The following ZDHHC13 variants were observed in gnomAD, a reference collection of about 807,000 sequenced individuals.
ZDHHC13 encodes zDHHC palmitoyltransferase 13.
A neutral mutation model predicts 86.0 loss-of-function variants in ZDHHC13; 85 were observed. The observed-to-expected ratio is 0.99, with a 90% CI of 0.83 to 1.18. The LOEUF (loss-of-function observed/expected upper bound fraction) is 1.18, where lower values mean the gene tolerates loss of function less well. Ranked by LOEUF, ZDHHC13 falls within the 50% of genes most tolerant of loss-of-function variation. The pLI, the probability that ZDHHC13 is intolerant of heterozygous loss-of-function variation, is 0.00. For synonymous variants in ZDHHC13, 263 were observed against 246.4 expected, an observed-to-expected ratio of 1.07 and a Z score of -0.63; for missense variants, 711 against 730.2, an observed-to-expected ratio of 0.97 and a Z score of 0.30.
chr11:19,175,689 G>C, intron 16 of ZDHHC13, 133 bp from the exon 17 acceptor site: 1 of 994,498 alleles, frequency 1.0e-6, no homozygotes, highest in Non-Finnish European at 1.5e-6. Context: ...GGAACTATCT[G>C]ATCTACCCCA....
At chr11:19,172,307 G>A (rs190415003) in intron 15 of ZDHHC13, among the ~76,000 whole-genome samples, 12 of 152,090 alleles carry the variant, frequency 7.9e-5, no homozygotes, top group African/African-American at 2.2e-4. Context: ...TCCTGACCTC[G>A]TGATCCACCC....
chr11:19,147,938 A>T (rs370378267), intron 4 of ZDHHC13, among the ~76,000 whole-genome samples: 1 of 152,164 alleles, frequency 6.6e-6, no homozygotes, highest in East Asian at 1.9e-4. Flanking sequence ...TGGTAACATA[A>T]ATAAAAATAG....
Position 19,147,630 on chromosome 11 carries a change from T to C in ZDHHC13, c.331T>C (p.Leu111=), listed in dbSNP as rs1215669843. 5 of 1,602,700 alleles carry C rather than the reference T, an allele frequency of 3.1e-6. No homozygotes were observed. Among genetic ancestry groups the C allele is most frequent in the Non-Finnish European group, 4.3e-6 (5 of 1,174,018 alleles). ...TTCAAAAGGTGCTGTTGTAGATCAGTTGGGTGGAGATTTAAATTCAACTCC... is the reference window on the plus strand; with the variant it reads ...TTCAAAAGGTGCTGTTGTAGATCAGCTGGGTGGAGATTTAAATTCAACTCC... ...YISKGAVVDQ[L]GGDLNSTPLH... is the part of the protein sequence containing the mutation. The change falls in exon 4 of 17, where the codon TTG becomes CTG. Residue 111 remains leucine (L), a synonymous_variant. Transcript: ENST00000446113.
intron 14 of ZDHHC13, chr11:19,167,845 ACTCT>A (rs1405383045): frequency 3.9e-5 from 6 of 152,002 alleles, no homozygotes; most frequent in Non-Finnish European, 7.4e-5. Context: ...ACAGGGTCTC[ACTCT>A]GTCGCCCAGA....
At position 19,117,273 on chromosome 11, in the gene ZDHHC13, G is replaced by A; in HGVS notation, c.24G>A (p.Ser8=). Residue 8 remains serine (S), a synonymous_variant, in exon 1 of 17, where the codon TCG becomes TCA. Transcript: ENST00000446113. This position sits in a 1 kb window ranked among gnomAD's most constrained non-coding sequence, Gnocchi z 4.2. ...AGATGGAGGGGCCGGGGCTGGGCTC[G>A]CAGGTGAGTGCGGCCGGGCGGTGGC... MEGPGLG[S]QCRNHSHGPH... is the part of the protein sequence containing the mutation. The A allele has an allele frequency of 6.7e-7, 1 of 1,483,878 alleles. No individual in the cohort carries two copies. The highest frequency in any genetic ancestry group is 1.3e-5 in the South Asian group (1 of 79,356). The allele number at this position is 1,483,878 out of a possible 1,614,324, so 91.9% of individuals were successfully genotyped here.
At chr11:19,127,094 GTC>G in intron 1 of ZDHHC13, among the ~76,000 whole-genome samples, 1 of 152,230 alleles carries the variant, frequency 6.6e-6, no homozygotes, top group South Asian at 2.1e-4. Context: ...GCATTCCTTT[GTC>G]TCTGTAACCT....
chr11:19,139,447 C>T (rs1215438872), intron 1 of ZDHHC13, among the ~76,000 whole-genome samples: 2 of 138,114 alleles, frequency 1.4e-5, no homozygotes, highest in African/African-American at 2.6e-5. Context: ...ATTCCATGCT[C>T]ATGGGTAGGA....
chr11:19,119,557 G>T (rs918457826), intron 1 of ZDHHC13, among the ~76,000 whole-genome samples: 2 of 152,176 alleles, frequency 1.3e-5, no homozygotes, highest in Non-Finnish European at 2.9e-5. Context: ...TGTCACCTCT[G>T]TGTGGCATTC....
chr11:19,124,206 A>G (rs1218028852), intron 1 of ZDHHC13, among the ~76,000 whole-genome samples: 2 of 152,164 alleles, frequency 1.3e-5, no homozygotes, highest in Non-Finnish European at 2.9e-5. Flanking sequence ...TGTACATGAT[A>G]TATTGTTACA....
At chr11:19,169,758 T>C (rs1382330314) in intron 14 of ZDHHC13, 7 of 985,392 alleles carry the variant, frequency 7.1e-6, no homozygotes, top group Non-Finnish European at 8.4e-6. Flanking sequence ...TGAAAGGCCA[T>C]AGTAAAGTTC....
intron 2 of ZDHHC13, among the ~76,000 whole-genome samples, chr11:19,144,937 GAAAC>G (rs1849419360): frequency 6.6e-6 from 1 of 152,070 alleles, no homozygotes; most frequent in Non-Finnish European, 1.5e-5. Context: ...CTAACGTGGT[GAAAC>G]CTATTAAAAA....
chr11:19,144,851 C>T (rs1207564788), intron 2 of ZDHHC13, among the ~76,000 whole-genome samples: 1 of 152,144 alleles, frequency 6.6e-6, no homozygotes, highest in Non-Finnish European at 1.5e-5. Context: ...TGTGGTGGCT[C>T]ACGCCTGTAA....
chr11:19,159,466 T>C (rs182124368), intron 10 of ZDHHC13, among the ~76,000 whole-genome samples: 1 of 152,260 alleles, frequency 6.6e-6, no homozygotes, highest in African/African-American at 2.4e-5. Flanking sequence ...TAAGTGTTAG[T>C]GATATTATCT....
Position 19,158,953 on chromosome 11 carries a change from T to C in ZDHHC13, c.1021T>C (p.Tyr341His), listed in dbSNP as rs1362329671. 3 of 1,541,758 alleles carry C rather than the reference T, an allele frequency of 1.9e-6. No homozygotes were observed. The highest frequency in any genetic ancestry group is 1.4e-5 in the African/African-American group (1 of 72,628). ...TSLFPRFLVGYKNLVYLPTAF... is the reference protein window; with the variant it reads ...TSLFPRFLVGHKNLVYLPTAF... ...TTTTTCTTTTAGGTTCTTGGTTGGG[T>C]ATAAGAACCTTGTATACTTACCAAC... is the stretch of plus-strand genomic sequence containing the variant. The change falls in exon 10 of 17, where the codon TAT becomes CAT. Residue 341 changes from tyrosine (Y) to histidine (H), a missense_variant. Coordinates refer to ENST00000446113, the MANE Select transcript of ZDHHC13 (RefSeq NM_019028.3).
Position 19,152,583 on chromosome 11 carries a change from C to T in ZDHHC13, c.772C>T (p.Leu258=). Residue 258 remains leucine (L), a synonymous_variant, in exon 8 of 17, where the codon CTA becomes TTA. Coordinates refer to ENST00000446113, the MANE Select transcript of ZDHHC13 (RefSeq NM_019028.3). ...VKGETPLDMA[L]QNKNQLIIHM... ...GGGAGAAACACCTCTTGATATGGCTCTACAAAACAAAAATCAGCTCATTAT... is the reference window on the plus strand; with the variant it reads ...GGGAGAAACACCTCTTGATATGGCTTTACAAAACAAAAATCAGCTCATTAT... 1.2e-6 allele frequency: 2 copies of T among 1,612,678 alleles called. No individual in the cohort carries two copies. The highest frequency in any genetic ancestry group is 1.1e-5 in the South Asian group (1 of 90,912).
At chr11:19,121,434 C>G (rs1848757316) in intron 1 of ZDHHC13, among the ~76,000 whole-genome samples, 1 of 152,194 alleles carries the variant, frequency 6.6e-6, no homozygotes, top group African/African-American at 2.4e-5. Context: ...TGCCATGTTG[C>G]TGTGTCTACA....
chr11:19,133,368 T>TATATATATATATATATATATAC (rs1262333450), intron 1 of ZDHHC13, among the ~76,000 whole-genome samples: 1 of 137,724 alleles, frequency 7.3e-6, no homozygotes, highest in African/African-American at 2.6e-5. Flanking sequence ...TATATATATA[T>TATATATATATATATATATATAC]ACCCACACAC....
chr11:19,172,938 G>A, intron 16 of ZDHHC13, 118 bp downstream of exon 16: 1 of 824,636 alleles, frequency 1.2e-6, no homozygotes, highest in Non-Finnish European at 1.8e-6. Flanking sequence ...ATCTAGTACA[G>A]TTGACCCCCC....
At position 19,164,282 on chromosome 11, in the gene ZDHHC13, C is replaced by T. The variant is rs1300625535; in HGVS notation, c.1234-19C>T. ...TTTCCAATAAAATGTGGTAATAGGT[C>T]AAACTTCATGTCTTTCAGAATATCA... On this transcript the variant is annotated intron_variant, in intron 11 of 16. Transcript: ENST00000446113. 4 of 1,612,072 alleles carry T rather than the reference C, an allele frequency of 2.5e-6. No individual in the cohort carries two copies. The East Asian group carries it at 6.7e-5, about 27-fold the overall frequency.
Sources: allele counts gnomAD v4.1 joint callset (sites outside exome capture counted in the v4.1 genomes callset), GRCh38; gene constraint gnomAD v4.1.1; non-coding constraint Gnocchi (gnomAD v3.1); transcripts MANE v1.5; gene names NCBI Gene and HGNC (gene_info 2026-07-23, HGNC 2026-07-21).